OXR1: variants seen among roughly 807,000 people sequenced by gnomAD.
OXR1 encodes oxidation resistance 1.
OXR1 carries 41 observed loss-of-function variants against 104.6 expected under a neutral mutation model. That is an observed-to-expected ratio of 0.39 (90% confidence interval 0.31 to 0.51). OXR1 has a LOEUF of 0.51. Among genes scored for constraint, OXR1 ranks in the 20% least tolerant of loss-of-function variants. The pLI is 0.77. For missense variants in OXR1, 955 were observed against 1,031.9 expected, an observed-to-expected ratio of 0.93 and a Z score of 1.02; for synonymous variants, 348 against 348.4, an observed-to-expected ratio of 1.00 and a Z score of 0.01.
At chr8:106,284,969 T>C (rs1255398461) in intron 1 of OXR1, among the ~76,000 whole-genome samples, 3 of 152,198 alleles carry the variant, frequency 2.0e-5, no homozygotes, top group African/African-American at 4.8e-5. Flanking sequence ...TAATCTCTAG[T>C]ACATTTAAAT....
intron 2 of OXR1, among the ~76,000 whole-genome samples, chr8:106,472,076 T>A (rs1249949724): frequency 6.6e-6 from 1 of 151,824 alleles, no homozygotes; most frequent in Non-Finnish European, 1.5e-5. Flanking sequence ...GTCTCTTTAG[T>A]ATCCCCTAAT....
At chr8:106,601,793 A>C (rs1819989983) in intron 3 of OXR1, among the ~76,000 whole-genome samples, 1 of 152,144 alleles carries the variant, frequency 6.6e-6, no homozygotes. Flanking sequence ...AGGTGAAAGG[A>C]TTTTTTAGAA....
chr8:106,625,795 T>C (rs1423329272), intron 3 of OXR1, among the ~76,000 whole-genome samples: 2 of 152,190 alleles, frequency 1.3e-5, no homozygotes, highest in African/African-American at 4.8e-5. Flanking sequence ...TCACATGTGA[T>C]AGCACTTAAA....
chr8:106,333,762 A>G (rs1384220435), intron 1 of OXR1, among the ~76,000 whole-genome samples: 2 of 152,092 alleles, frequency 1.3e-5, no homozygotes, highest in East Asian at 1.9e-4. Context: ...TTGAAATTCA[A>G]TTGACCATGG....
chr8:106,671,802 A>G (rs1827013033), intron 3 of OXR1, among the ~76,000 whole-genome samples: 1 of 118,518 alleles, frequency 8.4e-6, no homozygotes, highest in Non-Finnish European at 1.6e-5. Context: ...GGAACATCAC[A>G]CACCAGGGCC....
chr8:106,354,589 C>T (rs1815881902), intron 1 of OXR1, among the ~76,000 whole-genome samples: 1 of 152,140 alleles, frequency 6.6e-6, no homozygotes, highest in African/African-American at 2.4e-5. Context: ...TCACTGTGTA[C>T]ACTTAATGCT....
intron 2 of OXR1, among the ~76,000 whole-genome samples, chr8:106,479,577 G>C (rs1821993721): frequency 6.6e-6 from 1 of 151,914 alleles, no homozygotes; most frequent in Admixed American, 6.6e-5. Context: ...CAGCCTGCCT[G>C]ACCATCCACA....
At chr8:106,575,958 A>T (rs1049646574) in intron 3 of OXR1, among the ~76,000 whole-genome samples, 4 of 150,610 alleles carry the variant, frequency 2.7e-5, no homozygotes, top group Non-Finnish European at 5.9e-5. Context: ...TGAGAAAATG[A>T]CAAAGAGAAG....
intron 3 of OXR1, among the ~76,000 whole-genome samples, chr8:106,534,507 A>T (rs1333439906): frequency 6.6e-6 from 1 of 152,230 alleles, no homozygotes; most frequent in African/African-American, 2.4e-5. Flanking sequence ...TGTTTTACTA[A>T]AATTAGAGCA....
intron 3 of OXR1, among the ~76,000 whole-genome samples, chr8:106,533,712 C>CT (rs34122715): frequency 0.019 from 2,527 of 132,406 alleles, 75 homozygotes; most frequent in East Asian, 0.098. Flanking sequence ...GTTGAGTTTA[C>CT]TTTTTTTTTT....
chr8:106,665,656 G>T (rs1169630937), intron 3 of OXR1, among the ~76,000 whole-genome samples: 1 of 152,140 alleles, frequency 6.6e-6, no homozygotes, highest in Non-Finnish European at 1.5e-5. Context: ...TAAAAGTAAA[G>T]TGACTGCAGA....
intron 3 of OXR1, among the ~76,000 whole-genome samples, chr8:106,675,702 G>A (rs114698148): frequency 0.017 from 2,637 of 152,274 alleles, 53 homozygotes; most frequent in African/African-American, 0.06. Context: ...ATTTGTTGAG[G>A]AGTGTTTTAC....
At chr8:106,366,161 G>A (rs778087498) in intron 2 of OXR1, among the ~76,000 whole-genome samples, 1 of 152,192 alleles carries the variant, frequency 6.6e-6, no homozygotes, top group Admixed American at 6.5e-5. Context: ...TTTAGGGGTT[G>A]ATAATGGGTC....
intron 3 of OXR1, among the ~76,000 whole-genome samples, chr8:106,525,413 A>T (rs1388128763): frequency 6.6e-6 from 1 of 152,212 alleles, no homozygotes; most frequent in Non-Finnish European, 1.5e-5. Context: ...AGGCTCTTAA[A>T]CACCACAACG....
chr8:106,291,693 G>C (rs1365681896), intron 1 of OXR1, among the ~76,000 whole-genome samples: 1 of 152,168 alleles, frequency 6.6e-6, no homozygotes, highest in Non-Finnish European at 1.5e-5. Flanking sequence ...CTGCTGTGAA[G>C]AAATACCAGA....
At chr8:106,418,739 T>C (rs1818784909) in intron 2 of OXR1, among the ~76,000 whole-genome samples, 1 of 152,128 alleles carries the variant, frequency 6.6e-6, no homozygotes, top group Admixed American at 6.6e-5. Context: ...TAATAGATAG[T>C]TCAGCGCCAC....
chr8:106,466,068 C>T (rs1009168105), intron 2 of OXR1, among the ~76,000 whole-genome samples: 1 of 151,952 alleles, frequency 6.6e-6, no homozygotes, highest in Non-Finnish European at 1.5e-5. Context: ...GTATAAACTT[C>T]TAATAGTCCA....
intron 11 of OXR1, among the ~76,000 whole-genome samples, chr8:106,715,263 CAG>C (rs941513552): frequency 2.0e-5 from 3 of 151,698 alleles, no homozygotes; most frequent in Non-Finnish European, 4.4e-5. Flanking sequence ...CAAAACTAGT[CAG>C]AAATCCATCA....
intron 3 of OXR1, among the ~76,000 whole-genome samples, chr8:106,650,653 G>C (rs1459488282): frequency 2.0e-5 from 3 of 152,046 alleles, no homozygotes; most frequent in Non-Finnish European, 4.4e-5. Context: ...GAAAATTAAG[G>C]CTCTCTCTCA....
Sources: allele counts gnomAD v4.1 joint callset (sites outside exome capture counted in the v4.1 genomes callset), GRCh38; gene constraint gnomAD v4.1.1; transcripts MANE v1.5; gene names NCBI Gene and HGNC (gene_info 2026-07-23, HGNC 2026-07-21).